SH3RF3: variants seen among roughly 807,000 people sequenced by gnomAD.
SH3RF3 encodes SH3 domain containing ring finger 3.
SH3RF3 carries 29 observed loss-of-function variants against 66.3 expected under a neutral mutation model. That is an observed-to-expected ratio of 0.44 (90% CI 0.33 to 0.60). The LOEUF (loss-of-function observed/expected upper bound fraction) is 0.60, where lower values mean the gene tolerates loss of function less well. SH3RF3 is among the 20% of genes least tolerant of loss of function. The pLI is 0.04. For missense variants in SH3RF3, 1,194 were observed against 1,190.9 expected (o/e 1.00, Z -0.04); for synonymous variants, 583 against 532.0 (o/e 1.10, Z -1.32).
At chr2:109,308,217 T>A (rs1681645297) in intron 1 of SH3RF3, among the ~76,000 whole-genome samples, 1 of 130,728 alleles carries the variant, frequency 7.6e-6, no homozygotes, top group South Asian at 2.4e-4. Context: ...TGCATAAATG[T>A]CTTCTTTTGA....
intron 2 of SH3RF3, among the ~76,000 whole-genome samples, chr2:109,366,835 A>G (rs2105656824): frequency 6.6e-6 from 1 of 152,398 alleles, no homozygotes; most frequent in South Asian, 2.1e-4. Flanking sequence ...CCTGGGCAAC[A>G]GAGCAAGACC....
At chr2:109,132,800 C>G (rs539457642) in intron 1 of SH3RF3, among the ~76,000 whole-genome samples, 9 of 152,110 alleles carry the variant, frequency 5.9e-5, no homozygotes, top group Non-Finnish European at 1.3e-4. Flanking sequence ...CAAGAAAATC[C>G]CTTTAACATC....
chr2:109,347,995 G>A lies in SH3RF3; in HGVS notation c.849+46G>A, dbSNP rs757285607. On this transcript the variant is annotated intron_variant, in intron 2 of 9. Coordinates refer to ENST00000309415, the MANE Select transcript of SH3RF3 (RefSeq NM_001099289.3). ...GGCCCCGCCAGCCCATGCAGCCTCTGTGCCACCCAGGGCTCTTCCCAGCCA... is the reference window on the plus strand; with the variant it reads ...GGCCCCGCCAGCCCATGCAGCCTCTATGCCACCCAGGGCTCTTCCCAGCCA... The A allele has an allele frequency of 2.1e-5, 32 of 1,551,974 alleles. No homozygotes were observed. The African/African-American group carries it at 4.0e-4, about 19-fold the overall frequency.
intron 1 of SH3RF3, among the ~76,000 whole-genome samples, chr2:109,274,280 C>T (rs546081503): frequency 6.6e-5 from 10 of 152,224 alleles, no homozygotes; most frequent in African/African-American, 2.4e-4. Flanking sequence ...AAAGTGAATT[C>T]CTAGGTGTGT....
At chr2:109,156,955 A>G (rs539331293) in intron 1 of SH3RF3, among the ~76,000 whole-genome samples, 18 of 152,330 alleles carry the variant, frequency 1.2e-4, no homozygotes, top group Non-Finnish European at 8.8e-5. Flanking sequence ...AAGACTACCA[A>G]TAAGGTTAAT....
chr2:109,144,425 A>G (rs952451470), intron 1 of SH3RF3, among the ~76,000 whole-genome samples: 10 of 152,210 alleles, frequency 6.6e-5, no homozygotes, highest in African/African-American at 1.9e-4. Flanking sequence ...AGCTTTCACC[A>G]TGACGTCTCT....
At chr2:109,275,205 T>C (rs369603966) in intron 1 of SH3RF3, among the ~76,000 whole-genome samples, 4 of 152,330 alleles carry the variant, frequency 2.6e-5, no homozygotes, top group African/African-American at 7.2e-5. Context: ...TCTCGTACTT[T>C]GCTGCATACA....
chr2:109,168,667 C>G (rs909590589), intron 1 of SH3RF3, among the ~76,000 whole-genome samples: 1 of 48,382 alleles, frequency 2.1e-5, no homozygotes, highest in South Asian at 9.6e-4. Context: ...AAACTGAAAA[C>G]CTTTCAGTCA....
chr2:109,238,274 G>A (rs757017880), intron 1 of SH3RF3, among the ~76,000 whole-genome samples: 47 of 152,222 alleles, frequency 3.1e-4, no homozygotes, highest in Non-Finnish European at 5.9e-4. Flanking sequence ...TAAAAATGAA[G>A]CAGGATACCA....
intron 1 of SH3RF3, among the ~76,000 whole-genome samples, chr2:109,174,069 C>T (rs1026711858): frequency 6.6e-6 from 1 of 152,170 alleles, no homozygotes; most frequent in Non-Finnish European, 1.5e-5. Context: ...CCACAGTGTC[C>T]CCATAGCCTT....
At position 109,385,124 on chromosome 2, in the gene SH3RF3, C is replaced by T. The variant is rs1031567298; in HGVS notation, c.945+13443C>T. 7.9e-5 allele frequency among the ~76,000 whole-genome samples: 12 copies of T among 152,316 alleles called. No individual in the cohort carries two copies. The East Asian group carries it at 2.3e-3, about 29-fold the overall frequency. On this transcript the variant is annotated intron_variant, in intron 3 of 9. Coordinates refer to ENST00000309415, the MANE Select transcript of SH3RF3 (RefSeq NM_001099289.3). Reference sequence around the variant, plus strand: ...CCCTCTGACAGGCCAGACCCCTGCCCACGTTGGCATCAGACAGTCGAGCAG... The same window carrying T: ...CCCTCTGACAGGCCAGACCCCTGCCTACGTTGGCATCAGACAGTCGAGCAG...
chr2:109,469,971 T>A (rs921092040), intron 8 of SH3RF3, among the ~76,000 whole-genome samples: 6 of 152,202 alleles, frequency 3.9e-5, no homozygotes, highest in Non-Finnish European at 8.8e-5. Context: ...GATGAACCCA[T>A]GAGCAGATAC....
chr2:109,497,755 A>G (rs1232361276), intron 9 of SH3RF3, among the ~76,000 whole-genome samples: 1 of 152,246 alleles, frequency 6.6e-6, no homozygotes, highest in Non-Finnish European at 1.5e-5. Context: ...ATCTGGGCTC[A>G]TTAAATCATT....
intron 3 of SH3RF3, among the ~76,000 whole-genome samples, chr2:109,396,143 G>A (rs781338874): frequency 2.0e-5 from 3 of 152,186 alleles, no homozygotes; most frequent in Non-Finnish European, 4.4e-5. Context: ...CTGTCAAGTG[G>A]GCAGAGAACA....
intron 4 of SH3RF3, among the ~76,000 whole-genome samples, chr2:109,412,566 C>T (rs1397078295): frequency 1.3e-5 from 2 of 152,250 alleles, no homozygotes; most frequent in African/African-American, 4.8e-5. Flanking sequence ...ACTGCCAGCC[C>T]AGCCCCTGCT....
At chr2:109,194,974 G>A (rs938099794) in intron 1 of SH3RF3, among the ~76,000 whole-genome samples, 2 of 152,226 alleles carry the variant, frequency 1.3e-5, no homozygotes, top group African/African-American at 4.8e-5. Flanking sequence ...CCAACTCCAG[G>A]ATCCTTTTTT....
chr2:109,335,197 G>A (rs890824363), intron 1 of SH3RF3, among the ~76,000 whole-genome samples: 5 of 152,206 alleles, frequency 3.3e-5, no homozygotes, highest in Non-Finnish European at 5.9e-5. Context: ...CTAGAGTTCC[G>A]AGGCCTACGC....
chr2:109,136,909 G>A (rs994393955), intron 1 of SH3RF3, among the ~76,000 whole-genome samples: 1 of 152,160 alleles, frequency 6.6e-6, no homozygotes. Flanking sequence ...GAATCAGGGA[G>A]TTCGCAGGGA....
chr2:109,447,907 A>G (rs889521293), intron 7 of SH3RF3, among the ~76,000 whole-genome samples: 5 of 152,206 alleles, frequency 3.3e-5, no homozygotes, highest in African/African-American at 1.2e-4. Flanking sequence ...CCAGTTTTGT[A>G]AACCTGGAAG....
Sources: gnomAD v4.1 joint callset for allele counts (sites outside exome capture counted in the v4.1 genomes callset) on GRCh38, gnomAD v4.1.1 for gene constraint, MANE v1.5 for transcripts, NCBI Gene and HGNC (gene_info 2026-07-23, HGNC 2026-07-21) for gene names.